Variants in CCDC13 observed in about 807,000 individuals in gnomAD.
CCDC13 encodes coiled-coil domain containing 13.
CCDC13 carries 70 observed loss-of-function variants against 87.3 expected under a neutral mutation model. The observed-to-expected ratio is 0.80, with a 90% CI of 0.66 to 0.98. The LOEUF (loss-of-function observed/expected upper bound fraction) is 0.98. Among genes scored for constraint, CCDC13 ranks in the 50% least tolerant of loss-of-function variants. The probability of loss-of-function intolerance (pLI) is 0.00; values close to 1 mark genes in which losing one functional copy is unlikely to be tolerated. For missense variants in CCDC13, 842 were observed against 892.0 expected, an observed-to-expected ratio of 0.94 and a Z score of 0.71; for synonymous variants, 317 against 360.3, an observed-to-expected ratio of 0.88 and a Z score of 1.36.
At chr3:42,729,018 C>T (rs888110341) in intron 13 of CCDC13, among the ~76,000 whole-genome samples, 1 of 152,168 alleles carries the variant, frequency 6.6e-6, no homozygotes, top group Admixed American at 6.5e-5. Context: ...GGCATCCCTG[C>T]TGAAGTGCCA....
chr3:42,711,823 A>G (rs945235242), intron 14 of CCDC13, among the ~76,000 whole-genome samples: 1 of 152,202 alleles, frequency 6.6e-6, no homozygotes, highest in African/African-American at 2.4e-5. Context: ...TAGGCAGCAG[A>G]GGCCACCTGG....
At chr3:42,772,113 A>G (rs901115797) in intron 1 of CCDC13, among the ~76,000 whole-genome samples, 1 of 151,656 alleles carries the variant, frequency 6.6e-6, no homozygotes, top group Non-Finnish European at 1.5e-5. Flanking sequence ...CTCTACTAAA[A>G]ATACCAAAAT....
At chr3:42,772,431 A>G (rs1324355610) in intron 1 of CCDC13, among the ~76,000 whole-genome samples, 1 of 152,046 alleles carries the variant, frequency 6.6e-6, no homozygotes, top group Non-Finnish European at 1.5e-5. Context: ...AGGATATGGG[A>G]CCATAGGTGA....
rs777225279 is a variant in CCDC13, at chr3:42,733,554, G to C, written c.1427C>G (p.Ala476Gly). ...TGGGTCCTCCAGGAACTGGGTATAG[G>C]CAGGGCTGACCTCGCGGCCACTGGA... ...EGSSGREVSPAYTQFLEDPGL... is the reference protein window; with the variant it reads ...EGSSGREVSPGYTQFLEDPGL... Residue 476 changes from alanine (A) to glycine (G), a missense_variant, in exon 11 of 16, where the codon GCC becomes GGC. Ala to Gly is a moderately conservative substitution (Grantham distance 60). Transcript: ENST00000310232. The C allele has an allele frequency of 3.1e-6, 5 of 1,613,922 alleles. No homozygotes were observed. In the South Asian group the frequency reaches 5.5e-5, roughly 18 times the overall value.
At chr3:42,770,591 G>A (rs908753288) in intron 1 of CCDC13, 1 of 152,284 alleles carries the variant, frequency 6.6e-6, no homozygotes, top group Non-Finnish European at 1.5e-5. Flanking sequence ...GGCTGCCCCA[G>A]GCAGCAGTGG....
chr3:42,753,083 T>C (rs543592989), intron 3 of CCDC13, among the ~76,000 whole-genome samples: 7 of 152,356 alleles, frequency 4.6e-5, no homozygotes, highest in Admixed American at 4.6e-4. Flanking sequence ...GTAGTCCCCT[T>C]GGGCCTTCTA....
intron 1 of CCDC13, among the ~76,000 whole-genome samples, chr3:42,772,102 T>C (rs935137321): frequency 1.3e-5 from 2 of 151,266 alleles, no homozygotes; most frequent in Non-Finnish European, 2.9e-5. Context: ...TGAAACCCCA[T>C]CTCTACTAAA....
intron 14 of CCDC13, among the ~76,000 whole-genome samples, chr3:42,711,817 C>T (rs1423529495): frequency 1.3e-5 from 2 of 152,218 alleles, no homozygotes; most frequent in Non-Finnish European, 2.9e-5. Context: ...AGCCAGTAGG[C>T]AGCAGAGGCC....
rs566513960 is a variant in CCDC13, at chr3:42,735,788, G to A, written c.1290C>T (p.Val430=). 6 of 1,614,222 alleles carry A rather than the reference G, an allele frequency of 3.7e-6. No individual in the cohort carries two copies. Among genetic ancestry groups the A allele is most frequent in the Admixed American group, 3.3e-5 (2 of 60,024 alleles). The change falls in exon 10 of 16, where the codon GTC becomes GTT. Residue 430 remains valine (V), a synonymous_variant. Transcript: ENST00000310232. The part of the protein sequence containing the change: ...NSEAQRSNSL[V]AQLQAMVAER... ...CAGCTACCATGGCCTGCAGCTGGGC[G>A]ACTAGGCTGTTGCTCCGCTGAGCCT... is the stretch of plus-strand genomic sequence containing the variant.
intron 5 of CCDC13, among the ~76,000 whole-genome samples, chr3:42,750,815 T>C (rs1413025189): frequency 6.6e-6 from 1 of 152,170 alleles, no homozygotes; most frequent in Non-Finnish European, 1.5e-5. Flanking sequence ...GAAAATCCCA[T>C]CAGGCTGAAC....
chr3:42,732,621 GC>G, intron 12 of CCDC13: 1 of 489,826 alleles, frequency 2.0e-6, no homozygotes, highest in Non-Finnish European at 3.6e-6. Flanking sequence ...TAGAAGCCAG[GC>G]CCAGGAAGGT....
intron 1 of CCDC13, among the ~76,000 whole-genome samples, chr3:42,768,054 A>G (rs1389040724): frequency 1.3e-5 from 2 of 152,190 alleles, no homozygotes; most frequent in African/African-American, 4.8e-5. Flanking sequence ...AAATGAATCA[A>G]TGAAACCAAA....
chr3:42,709,833 G>T, intron 14 of CCDC13, 35 bp from the exon 15 acceptor site: 2 of 1,506,912 alleles, frequency 1.3e-6, no homozygotes, highest in Non-Finnish European at 1.8e-6. Context: ...CTGTGAGGAG[G>T]CCACAGCCCT....
chr3:42,729,535 G>T (rs1698770204), intron 13 of CCDC13, among the ~76,000 whole-genome samples: 2 of 152,172 alleles, frequency 1.3e-5, no homozygotes, highest in Non-Finnish European at 2.9e-5. Context: ...TTCAGTCAGA[G>T]TGCCCTCACA....
chr3:42,712,994 C>T (rs1262616463), intron 14 of CCDC13, among the ~76,000 whole-genome samples, 168 bp downstream of exon 14: 4 of 152,234 alleles, frequency 2.6e-5, no homozygotes, highest in Non-Finnish European at 4.4e-5. Context: ...GACTGAGAGG[C>T]CTGGGGAAAA....
At chr3:42,760,904 C>T (rs1384344966) in intron 1 of CCDC13, among the ~76,000 whole-genome samples, 1 of 151,988 alleles carries the variant, frequency 6.6e-6, no homozygotes. Context: ...ATGTGTATAT[C>T]TTCTTTTGTG....
intron 9 of CCDC13, among the ~76,000 whole-genome samples, chr3:42,738,757 A>AT (rs1416566630): frequency 1.3e-5 from 2 of 152,110 alleles, no homozygotes; most frequent in Non-Finnish European, 2.9e-5. Context: ...TTGCACATTG[A>AT]TTTTGTATCC....
At chr3:42,749,897 G>A (rs1699528243) in intron 5 of CCDC13, 1 of 456,738 alleles carries the variant, frequency 2.2e-6, no homozygotes, top group Admixed American at 2.3e-5. Context: ...CCTAGGGTTG[G>A]AATGTGGATT....
chr3:42,740,429 G>A (rs1463569619), intron 8 of CCDC13, among the ~76,000 whole-genome samples: 1 of 151,964 alleles, frequency 6.6e-6, no homozygotes, highest in Non-Finnish European at 1.5e-5. Flanking sequence ...TGGGTTTCCT[G>A]AGGTTTCCTA....
Sources: allele counts gnomAD v4.1 joint callset (sites outside exome capture counted in the v4.1 genomes callset), GRCh38; gene constraint gnomAD v4.1.1; transcripts MANE v1.5; gene names NCBI Gene and HGNC (gene_info 2026-07-23, HGNC 2026-07-21).